ING1: variants seen among roughly 807,000 people sequenced by gnomAD.
The protein encoded by ING1 is inhibitor of growth family member 1, also known as inhibitor of growth protein 1.
Under a neutral mutation model 23.1 loss-of-function variants are expected in ING1, and 4 were observed. The observed-to-expected ratio is 0.17, with a 90% CI of 0.09 to 0.40. ING1 has a LOEUF of 0.40. Among genes scored for constraint, ING1 ranks in the 10% least tolerant of loss-of-function variants. ING1 has a pLI of 1.00. For synonymous variants in ING1, 179 were observed against 166.4 expected (o/e 1.08, Z -0.58); for missense variants, 256 against 393.8 (o/e 0.65, Z 2.96).
intron 1 of ING1, among the ~76,000 whole-genome samples, chr13:110,717,350 T>C (rs1259579775): frequency 1.3e-5 from 2 of 152,196 alleles, no homozygotes; most frequent in African/African-American, 4.8e-5. Flanking sequence ...AAAGCTGTCT[T>C]TAGTTTGAGA....
At chr13:110,717,219 A>C (rs2064131225) in intron 1 of ING1, among the ~76,000 whole-genome samples, 1 of 152,232 alleles carries the variant, frequency 6.6e-6, no homozygotes, top group South Asian at 2.1e-4. Flanking sequence ...AATAAGTTGA[A>C]TAAATTGGTA....
chr13:110,712,719 C>G (rs1466120536), upstream of ING1: 1 of 694,946 alleles, frequency 1.4e-6, no homozygotes, highest in Non-Finnish European at 2.6e-6. Flanking sequence ...GGCGGCCTTT[C>G]CAAGTGTGGG....
intron 1 of ING1, among the ~76,000 whole-genome samples, chr13:110,717,555 G>T (rs1279710923): frequency 6.6e-6 from 1 of 152,112 alleles, no homozygotes; most frequent in East Asian, 1.9e-4. Context: ...GGCCAGGCAC[G>T]GTGGCTCACT....
At position 110,713,805 on chromosome 13, in the gene ING1, AGCGGCG is replaced by A; in HGVS notation, c.-342_-337del. 1.0e-6 allele frequency: 1 copy of A among 984,062 alleles called. No homozygotes were observed. The highest frequency in any genetic ancestry group is 1.2e-6 in the Non-Finnish European group (1 of 829,212). The allele number at this position is 984,062 out of a possible 1,614,324, so 61.0% of individuals were successfully genotyped here. On this transcript the variant is annotated 5_prime_UTR_variant, in exon 1 of 2. Transcript: ENST00000333219. The stretch of plus-strand genomic sequence containing the variant: ...TACCCAGCCCAGTGGGCGAGTGGGC[AGCGGCG>A]GCCGCGGCGCTGGGCCCTCTCCCGC...
intron 1 of ING1, among the ~76,000 whole-genome samples, chr13:110,718,931 C>T (rs2064146596): frequency 6.6e-6 from 1 of 152,184 alleles, no homozygotes; most frequent in African/African-American, 2.4e-5. Flanking sequence ...TGGCTTCGGG[C>T]GTTGTCACCC....
In ING1 at chr13:110,719,569, T is replaced by C. The variant is rs745708355; in HGVS notation, c.477T>C (p.Arg159=). The part of the protein sequence containing the change: ...RSRRQRNNEN[R]ENASSNHDHD... ...GGCGGCAGCGCAACAACGAGAACCG[T>C]GAGAACGCGTCCAGCAACCACGACC... Residue 159 remains arginine, a synonymous_variant, in exon 2 of 2, where the codon CGT becomes CGC. Transcript: ENST00000333219. This position sits in a 1 kb window ranked among gnomAD's most constrained non-coding sequence, Gnocchi z 8.9. 6.2e-7 allele frequency: 1 copy of C among 1,610,626 alleles called. No homozygotes were observed. Among genetic ancestry groups the C allele is most frequent in the South Asian group, 1.1e-5 (1 of 90,938 alleles).
chr13:110,713,471 C>T, upstream of ING1: 8 of 989,524 alleles, frequency 8.1e-6, no homozygotes, highest in Non-Finnish European at 8.4e-6. Flanking sequence ...GCCGTCCACA[C>T]CCCAGCGGCC....
chr13:110,718,532 G>A (rs954818419), intron 1 of ING1, among the ~76,000 whole-genome samples: 2 of 152,128 alleles, frequency 1.3e-5, no homozygotes, highest in African/African-American at 4.8e-5. Context: ...ATAAATGTGG[G>A]GACTGAAACT....
intron 1 of ING1, among the ~76,000 whole-genome samples, chr13:110,717,609 C>T (rs1323684372): frequency 6.6e-6 from 1 of 152,114 alleles, no homozygotes; most frequent in Non-Finnish European, 1.5e-5. Context: ...GGCGGATCAC[C>T]TGAGGTCGAG....
Position 110,719,136 on chromosome 13 carries a change from C to A in ING1, c.137-93C>A. The A allele has an allele frequency of 7.9e-7, 1 of 1,264,572 alleles. No homozygotes were observed. Among genetic ancestry groups the A allele is most frequent in the Non-Finnish European group, 1.1e-6 (1 of 902,174 alleles). 78.3% of individuals were successfully genotyped at this position (1,264,572 alleles called of 1,614,324 possible). ...GGCAAGCCGTGCGCTGGCCCCTAGG[C>A]TCCCTGCCAGCCCTCTCCGTAGACC... is the stretch of plus-strand genomic sequence containing the variant. On this transcript the variant is annotated intron_variant, in intron 1 of 1. Coordinates refer to ENST00000333219, the MANE Select transcript of ING1 (RefSeq NM_198219.3). This position sits in a 1 kb window ranked among gnomAD's most constrained non-coding sequence, Gnocchi z 8.9.
intron 1 of ING1, chr13:110,715,555 C>CT: frequency 6.2e-7 from 1 of 1,614,094 alleles, no homozygotes; most frequent in Admixed American, 1.7e-5. Context: ...CCGCTGTCTT[C>CT]TTTTTTCTTT....
At position 110,714,033 on chromosome 13, in the gene ING1, C is replaced by T; in HGVS notation, c.-117C>T. The T allele has an allele frequency of 4.9e-6, 6 of 1,214,892 alleles. No homozygotes were observed. The highest frequency in any genetic ancestry group is 3.1e-5 in the South Asian group (1 of 32,592). 75.3% of individuals were successfully genotyped at this position (1,214,892 alleles called of 1,614,324 possible). On this transcript the variant is annotated 5_prime_UTR_variant, in exon 1 of 2. Transcript: ENST00000333219. ...GCCGCCGGGCCGAAGCAGGAGCCGG[C>T]GGGGGGGCGCCGGGAGAGCGAGGGC...
chr13:110,715,963 G>A, intron 1 of ING1: 1 of 1,537,462 alleles, frequency 6.5e-7, no homozygotes, highest in East Asian at 2.3e-5. Flanking sequence ...GTTTCAGGCC[G>A]CATCTCTGCT....
chr13:110,715,488 G>A, intron 1 of ING1: 1 of 1,612,944 alleles, frequency 6.2e-7, no homozygotes, highest in South Asian at 1.1e-5. Flanking sequence ...CGGAACGATT[G>A]GTCGCTGAGG....
At chr13:110,714,774 A>C (rs1036489110) in intron 1 of ING1, among the ~76,000 whole-genome samples, 4 of 152,022 alleles carry the variant, frequency 2.6e-5, no homozygotes, top group African/African-American at 9.7e-5. Context: ...GTCGCCCCCC[A>C]CTCAGTCCCG....
At position 110,713,733 on chromosome 13, in the gene ING1, G is replaced by A. The variant is rs1181488015; in HGVS notation, c.-417G>A. 1 of 985,216 alleles carries A rather than the reference G, an allele frequency of 1.0e-6. No homozygotes were observed. The highest frequency in any genetic ancestry group is 1.2e-6 in the Non-Finnish European group (1 of 829,896). The allele number at this position is 985,216 out of a possible 1,614,324, so 61.0% of individuals were successfully genotyped here. On this transcript the variant is annotated 5_prime_UTR_variant, in exon 1 of 2. Transcript: ENST00000333219. ...CACGTTGGACAAGTGCGGCTCGGCG[G>A]CCAGCGGAGCGCGCCCCTTCCCGCT...
Position 110,713,892 on chromosome 13 carries a change from G to A in ING1, c.-258G>A. ...CGGCGCCAGCCCCGCCGCCTGAGAG[G>A]GGGCCTGCGCCGCCGGCCGGGGCGT... On this transcript the variant is annotated 5_prime_UTR_variant, in exon 1 of 2. Coordinates refer to ENST00000333219, the MANE Select transcript of ING1 (RefSeq NM_198219.3). The A allele has an allele frequency of 2.0e-6, 2 of 981,644 alleles. No homozygotes were observed. The highest frequency in any genetic ancestry group is 2.4e-6 in the Non-Finnish European group (2 of 828,512). The allele number at this position is 981,644 out of a possible 1,614,324, so 60.8% of individuals were successfully genotyped here.
chr13:110,713,043 G>T (rs1043106777), upstream of ING1: 5 of 1,474,660 alleles, frequency 3.4e-6, no homozygotes, highest in African/African-American at 4.2e-5. Flanking sequence ...GTGCGCATGC[G>T]CCGCCACTTC....
intron 1 of ING1, chr13:110,715,932 C>A: frequency 6.4e-7 from 1 of 1,559,286 alleles, no homozygotes; most frequent in Non-Finnish European, 8.6e-7. Flanking sequence ...TCCCGCGACC[C>A]GCGGGGCCGG....
Sources: allele counts gnomAD v4.1 joint callset (sites outside exome capture counted in the v4.1 genomes callset), GRCh38; gene constraint gnomAD v4.1.1; non-coding constraint Gnocchi (gnomAD v3.1); transcripts MANE v1.5; gene names NCBI Gene and HGNC (gene_info 2026-07-23, HGNC 2026-07-21).